Variants in KANSL1 observed in about 807,000 individuals in gnomAD.
The protein encoded by KANSL1 is MLL1/MLL complex subunit KANSL1.
KANSL1 carries 22 observed loss-of-function variants against 103.6 expected under a neutral mutation model. That is an observed-to-expected ratio of 0.21 (90% CI 0.15 to 0.30). KANSL1 has a LOEUF of 0.30. KANSL1 is among the 10% of genes least tolerant of loss of function. The pLI, the probability that KANSL1 is intolerant of heterozygous loss-of-function variation, is 1.00. For synonymous variants in KANSL1, 600 were observed against 527.6 expected (o/e 1.14, Z -1.88); for missense variants, 1,337 against 1,399.8 (o/e 0.96, Z 0.72).
chr17:46,202,077 C>G (rs1399205217), intron 1 of KANSL1, among the ~76,000 whole-genome samples: 1 of 152,118 alleles, frequency 6.6e-6, no homozygotes, highest in South Asian at 2.1e-4. Flanking sequence ...ACCTGGGAGG[C>G]TGAGGCAGGA....
At chr17:46,199,766 A>G (rs2047732278) in intron 1 of KANSL1, among the ~76,000 whole-genome samples, 1 of 152,266 alleles carries the variant, frequency 6.6e-6, no homozygotes, top group Non-Finnish European at 1.5e-5. Context: ...ATACTGTTGT[A>G]GGTTAAACCT....
At chr17:46,196,460 A>T (rs935641356), upstream of KANSL1, 6 of 456,082 alleles carry the variant, frequency 1.3e-5, no homozygotes, top group African/African-American at 1.0e-4. Flanking sequence ...TGATGGAGGA[A>T]AAAACAGTCC....
intron 1 of KANSL1, among the ~76,000 whole-genome samples, chr17:46,183,181 TACTC>T (rs1320428375): frequency 6.6e-6 from 1 of 152,170 alleles, no homozygotes; most frequent in Non-Finnish European, 1.5e-5. Context: ...TATTTCCAGT[TACTC>T]AGGAGGCAGG....
chr17:46,097,440 T>G (rs926307473), intron 2 of KANSL1, among the ~76,000 whole-genome samples: 2 of 152,204 alleles, frequency 1.3e-5, no homozygotes, highest in Non-Finnish European at 2.9e-5. Context: ...TACAGATAAC[T>G]GATGAATATA....
intron 2 of KANSL1, among the ~76,000 whole-genome samples, chr17:46,143,898 G>C (rs917986741): frequency 1.3e-5 from 2 of 151,784 alleles, no homozygotes; most frequent in Non-Finnish European, 2.9e-5. Flanking sequence ...GATATCCGAG[G>C]ACCACAGAGC....
intron 2 of KANSL1, among the ~76,000 whole-genome samples, chr17:46,155,250 C>T (rs2178137): frequency 0.12 from 18,351 of 148,244 alleles, 22 homozygotes; most frequent in Non-Finnish European, 0.18. Flanking sequence ...CTCCACCTCC[C>T]GGGTTCAAGC....
intron 2 of KANSL1, among the ~76,000 whole-genome samples, chr17:46,129,596 C>G (rs559412257): frequency 6.6e-6 from 1 of 152,176 alleles, no homozygotes. Context: ...TCTGATAAAT[C>G]AGTCAGAGTG....
intron 2 of KANSL1, among the ~76,000 whole-genome samples, chr17:46,134,042 G>T (rs764458254): frequency 1.3e-5 from 2 of 152,210 alleles, no homozygotes; most frequent in African/African-American, 2.4e-5. Flanking sequence ...GGAAGGATGG[G>T]GATGGAAGGG....
At chr17:46,120,915 A>G (rs1009710728) in intron 2 of KANSL1, among the ~76,000 whole-genome samples, 5 of 152,204 alleles carry the variant, frequency 3.3e-5, no homozygotes, top group African/African-American at 1.2e-4. Context: ...ACAGTAACAT[A>G]AACTGAACTC....
rs1567806897 is a variant in KANSL1 at position 46,210,499 on chromosome 17, A to ATAAATATGTGAATAT, written c.-90+13171_-90+13172insATATTCACATATTTA. 4.3e-4 allele frequency among the ~76,000 whole-genome samples: 34 copies of ATAAATATGTGAATAT among 79,718 alleles called. 1 individual carries two copies. Among genetic ancestry groups the ATAAATATGTGAATAT allele is most frequent in the East Asian group, 5.5e-4 (1 of 1,802 alleles). 52.3% of individuals were successfully genotyped at this position (79,718 alleles called of 152,430 possible). ...AAAAAAAAAAAAAAAAAAAAAAAAA[A>ATAAATATGTGAATAT]AAAGACCTGAGTGGCCACAGGATGA... is the stretch of plus-strand genomic sequence containing the variant. On this transcript the variant is annotated intron_variant, in intron 1 of 14. Coordinates refer to the KANSL1 transcript ENST00000572904.
chr17:46,074,018 C>T (rs2078671154), intron 4 of KANSL1, among the ~76,000 whole-genome samples: 1 of 152,066 alleles, frequency 6.6e-6, no homozygotes. Context: ...CACCTGTGAG[C>T]ATAGATACAT....
intron 4 of KANSL1, among the ~76,000 whole-genome samples, chr17:46,075,538 T>A (rs978180840): frequency 6.6e-6 from 1 of 152,158 alleles, no homozygotes; most frequent in African/African-American, 2.4e-5. Context: ...GGTTTCACCA[T>A]GTTGGCCAGG....
At chr17:46,191,136 T>C (rs527807461) in intron 1 of KANSL1, among the ~76,000 whole-genome samples, 1 of 152,306 alleles carries the variant, frequency 6.6e-6, no homozygotes, top group Admixed American at 6.5e-5. Flanking sequence ...TTTTATAAAA[T>C]AGGAGTTTAC....
At chr17:46,116,168 AGTT>A (rs2043036502) in intron 2 of KANSL1, among the ~76,000 whole-genome samples, 1 of 152,246 alleles carries the variant, frequency 6.6e-6, no homozygotes, top group African/African-American at 2.4e-5. Context: ...AATTAAAGTT[AGTT>A]ATTTAGATTT....
At chr17:46,201,552 T>C (rs983302758) in intron 1 of KANSL1, among the ~76,000 whole-genome samples, 2 of 152,286 alleles carry the variant, frequency 1.3e-5, no homozygotes, top group Non-Finnish European at 1.5e-5. Flanking sequence ...ACACTGTTTA[T>C]TTCAAGAACA....
rs2078987736 is a variant in KANSL1, at chr17:46,081,515, C to G, written c.1533+926G>C. On this transcript the variant is annotated intron_variant, in intron 4 of 14. Transcript: ENST00000432791. ...AGAACTATCAATCTTCTAGTGTCTT[C>G]ACATTTATCTCTAGCAACAGTGGCT... Among the ~76,000 whole-genome samples, 3 of 152,202 alleles carry G rather than the reference C, an allele frequency of 2.0e-5. No homozygotes were observed. The South Asian group carries it at 6.2e-4, about 31-fold the overall frequency.
At position 46,170,862 on chromosome 17, in the gene KANSL1, C is replaced by T; in HGVS notation, c.1282G>A (p.Val428Ile). The T allele has an allele frequency of 6.2e-7, 1 of 1,603,464 alleles. No individual in the cohort carries two copies. The highest frequency in any genetic ancestry group is 8.5e-7 in the Non-Finnish European group (1 of 1,174,448). The change falls in exon 2 of 15, where the codon GTA becomes ATA. Residue 428 changes from valine (V) to isoleucine (I), a missense_variant. Val to Ile is a conservative substitution (Grantham distance 29, BLOSUM62 3). Transcript: ENST00000432791. ...LTRADPEQRHVPLRRRSEWKW... is the reference protein window; with the variant it reads ...LTRADPEQRHIPLRRRSEWKW... ...TGCATGAGGTCTACTCACAGGGGTA[C>T]ATGACGCTGCTCGGGATCAGCTCTG...
intron 7 of KANSL1, among the ~76,000 whole-genome samples, chr17:46,049,070 G>T (rs1243707452): frequency 6.6e-6 from 1 of 151,968 alleles, no homozygotes; most frequent in Non-Finnish European, 1.5e-5. Flanking sequence ...ATCTGTTGCA[G>T]TCTTTTTGGA....
intron 2 of KANSL1, among the ~76,000 whole-genome samples, chr17:46,119,417 G>C (rs567625406): frequency 2.0e-5 from 3 of 151,042 alleles, no homozygotes; most frequent in Non-Finnish European, 4.4e-5. Flanking sequence ...AACTGATCTC[G>C]TACCTCAGCC....
Sources: allele counts gnomAD v4.1 joint callset (sites outside exome capture counted in the v4.1 genomes callset), GRCh38; gene constraint gnomAD v4.1.1; transcripts MANE v1.5; gene names NCBI Gene and HGNC (gene_info 2026-07-23, HGNC 2026-07-21).